Variants in RBFOX1 observed in about 807,000 individuals in gnomAD.
RBFOX1 encodes RNA binding protein fox-1 homolog 1.
A neutral mutation model predicts 57.7 loss-of-function variants in RBFOX1; 8 were observed. That is an observed-to-expected ratio of 0.14 (90% confidence interval 0.08 to 0.25). RBFOX1 has a LOEUF of 0.25. Among genes scored for constraint, RBFOX1 ranks in the 10% least tolerant of loss-of-function variants. RBFOX1 has a pLI of 1.00. For missense variants in RBFOX1, 611 were observed against 548.5 expected, an observed-to-expected ratio of 1.11 and a Z score of -1.14; for synonymous variants, 326 against 222.4, an observed-to-expected ratio of 1.47 and a Z score of -4.15.
chr16:6,872,436 A>C (rs1281539269), intron 3 of RBFOX1, among the ~76,000 whole-genome samples: 1 of 151,980 alleles, frequency 6.6e-6, no homozygotes, highest in Non-Finnish European at 1.5e-5. Flanking sequence ...TTTAAGAACT[A>C]TTTCTAAAAA....
At chr16:6,071,116 A>C (rs2095832009) in intron 1 of RBFOX1, among the ~76,000 whole-genome samples, 1 of 152,156 alleles carries the variant, frequency 6.6e-6, no homozygotes, top group African/African-American at 2.4e-5. Context: ...TGAGCACAGG[A>C]GTTTTCTACC....
intron 3 of RBFOX1, among the ~76,000 whole-genome samples, chr16:6,695,340 C>G (rs2060857526): frequency 7.2e-6 from 1 of 139,620 alleles, no homozygotes; most frequent in African/African-American, 2.7e-5. Context: ...CGCTTGAACC[C>G]AACAGGTAGA....
chr16:7,676,881 A>C (rs775234805), intron 14 of RBFOX1, 43 bp downstream of exon 14: 15 of 1,540,236 alleles, frequency 9.7e-6, no homozygotes, highest in Non-Finnish European at 1.3e-5. Flanking sequence ...CTTGTAAATT[A>C]ACTTAGTTGA....
At chr16:6,992,418 A>G (rs28472845) in intron 3 of RBFOX1, among the ~76,000 whole-genome samples, 13,306 of 152,056 alleles carry the variant, frequency 0.088, 799 homozygotes, top group East Asian at 0.27. Context: ...GGGTTTCACC[A>G]TGTTGGCCAG....
chr16:5,509,763 T>A (rs920463329), intron 2 of RBFOX1, among the ~76,000 whole-genome samples: 1 of 152,090 alleles, frequency 6.6e-6, no homozygotes, highest in Non-Finnish European at 1.5e-5. Flanking sequence ...GATGGGCGCA[T>A]ACACAGGGGA....
chr16:6,151,295 TC>T (rs2096795904), intron 1 of RBFOX1, among the ~76,000 whole-genome samples: 1 of 152,118 alleles, frequency 6.6e-6, no homozygotes, highest in Non-Finnish European at 1.5e-5. Context: ...TTGTTTTTTT[TC>T]TTTTTTTGAG....
At chr16:5,664,386 A>G (rs1180431759) in intron 3 of RBFOX1, among the ~76,000 whole-genome samples, 2 of 152,124 alleles carry the variant, frequency 1.3e-5, no homozygotes, top group African/African-American at 4.8e-5. Context: ...TGTCTCTACT[A>G]AAAATACAAA....
intron 1 of RBFOX1, among the ~76,000 whole-genome samples, chr16:5,248,849 C>A (rs182967327): frequency 6.6e-6 from 1 of 151,870 alleles, no homozygotes; most frequent in Non-Finnish European, 1.5e-5. Context: ...ATTAGCTGGG[C>A]GATGTGTGGA....
chr16:5,303,999 C>G (rs1919046), intron 1 of RBFOX1, among the ~76,000 whole-genome samples: 85,009 of 151,988 alleles, frequency 0.56, 26,843 homozygotes, highest in South Asian at 0.73. Flanking sequence ...TTTTAAAGAT[C>G]TAATATGAGA....
upstream of RBFOX1, among the ~76,000 whole-genome samples, chr16:6,017,489 C>G (rs2095002348): frequency 6.6e-6 from 1 of 152,062 alleles, no homozygotes; most frequent in South Asian, 2.1e-4. Flanking sequence ...TTTCATTTTG[C>G]TATCACTGAA....
intron 2 of RBFOX1, among the ~76,000 whole-genome samples, chr16:6,372,629 TG>T (rs2090607685): frequency 6.6e-6 from 1 of 150,592 alleles, no homozygotes; most frequent in South Asian, 2.1e-4. Context: ...GCAGGAGTTT[TG>T]TTGGGTGGAA....
chr16:6,867,113 C>G (rs992745752), intron 3 of RBFOX1, among the ~76,000 whole-genome samples: 12 of 151,608 alleles, frequency 7.9e-5, no homozygotes, highest in Admixed American at 6.6e-4. Flanking sequence ...GTGGGAATTT[C>G]TGATAAAGCA....
At chr16:6,651,833 T>C (rs748479143) in intron 2 of RBFOX1, among the ~76,000 whole-genome samples, 1 of 152,192 alleles carries the variant, frequency 6.6e-6, no homozygotes, top group Non-Finnish European at 1.5e-5. Flanking sequence ...ATGGCGCTTA[T>C]GAATGGATAA....
chr16:7,680,585 C>T (rs972226347), intron 14 of RBFOX1, among the ~76,000 whole-genome samples: 7 of 152,066 alleles, frequency 4.6e-5, no homozygotes, highest in African/African-American at 1.4e-4. Context: ...ATAAAACATG[C>T]ATTTCTTGTA....
intron 2 of RBFOX1, among the ~76,000 whole-genome samples, chr16:5,547,805 A>G (rs947551213): frequency 6.6e-6 from 1 of 152,090 alleles, no homozygotes; most frequent in Non-Finnish European, 1.5e-5. Flanking sequence ...ACAGAAAACC[A>G]AATACTACAT....
intron 3 of RBFOX1, among the ~76,000 whole-genome samples, chr16:6,725,664 ATTTGCT>A (rs763176395): frequency 6.6e-6 from 1 of 152,118 alleles, no homozygotes; most frequent in Non-Finnish European, 1.5e-5. Context: ...TTCTTAATAC[ATTTGCT>A]TTTACTTAAA....
At chr16:6,278,266 G>C (rs1332857414) in intron 1 of RBFOX1, among the ~76,000 whole-genome samples, 1 of 151,246 alleles carries the variant, frequency 6.6e-6, no homozygotes, top group Non-Finnish European at 1.5e-5. Flanking sequence ...GTGGCAGGGA[G>C]CAGGCATGTG....
intron 1 of RBFOX1, among the ~76,000 whole-genome samples, chr16:6,077,503 C>G (rs2095922347): frequency 1.3e-5 from 2 of 152,096 alleles, no homozygotes; most frequent in Admixed American, 1.3e-4. Flanking sequence ...CACCATCCCT[C>G]TTGGAATTGT....
intron 3 of RBFOX1, among the ~76,000 whole-genome samples, chr16:6,937,587 G>C (rs1419374418): frequency 6.6e-6 from 1 of 152,086 alleles, no homozygotes; most frequent in Non-Finnish European, 1.5e-5. Context: ...GGAGATGTGA[G>C]GCATTAATCA....
Sources: allele counts gnomAD v4.1 joint callset (sites outside exome capture counted in the v4.1 genomes callset), GRCh38; gene constraint gnomAD v4.1.1; transcripts MANE v1.5; gene names NCBI Gene and HGNC (gene_info 2026-07-23, HGNC 2026-07-21).